Variants in ZFYVE19 observed in about 807,000 individuals in gnomAD.
The protein encoded by ZFYVE19 is abscission/NoCut checkpoint regulator.
A neutral mutation model predicts 62.8 loss-of-function variants in ZFYVE19; 49 were observed. That is an observed-to-expected ratio of 0.78 (90% CI 0.62 to 0.99). ZFYVE19 has a LOEUF of 0.99. Ranked by LOEUF, ZFYVE19 falls within the 50% of genes least tolerant of loss-of-function variation. The pLI, the probability that ZFYVE19 is intolerant of heterozygous loss-of-function variation, is 0.00. For missense variants in ZFYVE19, 630 were observed against 601.9 expected (o/e 1.05, Z -0.49); for synonymous variants, 242 against 234.3 (o/e 1.03, Z -0.30).
rs1205920742 is a variant in ZFYVE19 at position 40,813,358 on chromosome 15, C to T, written c.1051C>T (p.Leu351Phe). Residue 351 changes from leucine (L) to phenylalanine (F), a missense_variant, in exon 8 of 11, where the codon CTC becomes TTC. By Grantham distance (22) the Leu-to-Phe change is conservative. Coordinates refer to ENST00000355341, the MANE Select transcript of ZFYVE19 (RefSeq NM_001077268.2). The stretch of plus-strand genomic sequence containing the variant: ...TCAAGTGACCCTCCAGGACTATCGC[C>T]TCCCAGACAGTGATGACGACGAGGA... ...PERVTLQDYR[L>F]PDSDDDEDEE... 1.2e-6 allele frequency: 2 copies of T among 1,613,340 alleles called. No homozygotes were observed. Among genetic ancestry groups the T allele is most frequent in the Non-Finnish European group, 1.7e-6 (2 of 1,179,690 alleles).
At chr15:40,808,794 C>G (rs909824057) in intron 1 of ZFYVE19, 11 of 335,514 alleles carry the variant, frequency 3.3e-5, no homozygotes, top group African/African-American at 2.1e-4. Flanking sequence ...TGCCCTGTCT[C>G]TCTGATTCTC....
In ZFYVE19 at chr15:40,809,853, C is replaced by T. The variant is rs369924630; in HGVS notation, c.454C>T (p.Arg152Cys). 2.0e-5 allele frequency: 32 copies of T among 1,613,982 alleles called. No individual in the cohort carries two copies. Among genetic ancestry groups the T allele is most frequent in the Non-Finnish European group, 2.7e-5 (32 of 1,179,964 alleles). The stretch of plus-strand genomic sequence containing the variant: ...AGCCTCTATCTCATATCCTGCCAGG[C>T]GTGTGGCAGCCTTGGAAGCCAAGCA... ...KWSPPQNYKKRVAALEAKQKP... is the reference protein window; with the variant it reads ...KWSPPQNYKKCVAALEAKQKP... The change falls in exon 4 of 11, where the codon CGT becomes TGT. Residue 152 changes from arginine (R) to cysteine (C), a missense_variant and splice_region_variant. Transcript: ENST00000355341.
chr15:40,809,777 A>T, intron 3 of ZFYVE19, 75 bp from the exon 4 acceptor site: 1 of 1,476,748 alleles, frequency 6.8e-7, no homozygotes, highest in Non-Finnish European at 9.4e-7. Context: ...TTTGATTTGA[A>T]TGGGAAACAG....
Position 40,814,234 on chromosome 15 carries a change from C to G in ZFYVE19, c.*8C>G. 2 of 1,614,060 alleles carry G rather than the reference C, an allele frequency of 1.2e-6. No homozygotes were observed. The highest frequency in any genetic ancestry group is 1.7e-6 in the Non-Finnish European group (2 of 1,180,020). On this transcript the variant is annotated 3_prime_UTR_variant, in exon 11 of 11. Transcript: ENST00000355341. Reference sequence around the variant, plus strand: ...GCAGGCCAAGAGCACTGAAGACACCCTGGTCCTCCCGGAAGGGCAGTCCCA... The same window carrying G: ...GCAGGCCAAGAGCACTGAAGACACCGTGGTCCTCCCGGAAGGGCAGTCCCA...
Position 40,809,989 on chromosome 15 carries a change from G to A in ZFYVE19, c.571+19G>A. The A allele has an allele frequency of 1.9e-6, 3 of 1,614,192 alleles. No individual in the cohort carries two copies. The highest frequency in any genetic ancestry group is 2.5e-6 in the Non-Finnish European group (3 of 1,180,020). On this transcript the variant is annotated intron_variant, in intron 4 of 10. Coordinates refer to ENST00000355341, the MANE Select transcript of ZFYVE19 (RefSeq NM_001077268.2). Reference sequence around the variant, plus strand: ...AAGCCCAGTGAGCAGGGGCAGATGGGGTTGCCTAGAGGACACAGTCCAGGG... The same window carrying A: ...AAGCCCAGTGAGCAGGGGCAGATGGAGTTGCCTAGAGGACACAGTCCAGGG...
intron 6 of ZFYVE19, among the ~76,000 whole-genome samples, chr15:40,812,238 TG>T (rs374440394): frequency 6.1e-4 from 93 of 152,292 alleles, no homozygotes; most frequent in African/African-American, 2.2e-3. Flanking sequence ...AAAAAGCTGA[TG>T]ATCTGTGATT....
Position 40,809,913 on chromosome 15 carries a change from C to G in ZFYVE19, c.514C>G (p.Arg172Gly). 1 of 1,614,204 alleles carries G rather than the reference C, an allele frequency of 6.2e-7. No individual in the cohort carries two copies. Among genetic ancestry groups the G allele is most frequent in the Non-Finnish European group, 8.5e-7 (1 of 1,180,034 alleles). Reference protein sequence around the residue: ...PSTSQSQGLTRQDQMIAERLA... With the variant: ...PSTSQSQGLTGQDQMIAERLA... ...CACTTCCCAGAGCCAGGGACTGACA[C>G]GACAAGACCAGATGATTGCTGAGCG... The change falls in exon 4 of 11, where the codon CGA (arginine) becomes GGA (glycine). Residue 172 changes from arginine (R) to glycine (G), a missense_variant. Arg to Gly is a moderately radical substitution (Grantham distance 125). Coordinates refer to ENST00000355341, the MANE Select transcript of ZFYVE19 (RefSeq NM_001077268.2).
rs201817180 is a variant in ZFYVE19 at position 40,809,270 on chromosome 15, C to A, written c.401+30C>A. ...GAGGCAGGCATGGGTGAAAGTTCAGCCAAGTATGGCAGTGGGCATCTGGCC... is the reference window on the plus strand; with the variant it reads ...GAGGCAGGCATGGGTGAAAGTTCAGACAAGTATGGCAGTGGGCATCTGGCC... On this transcript the variant is annotated intron_variant, in intron 2 of 10. Transcript: ENST00000355341. 3.2e-5 allele frequency: 52 copies of A among 1,613,034 alleles called. No homozygotes were observed. The African/African-American group carries it at 6.4e-4, about 20-fold the overall frequency.
intron 1 of ZFYVE19, chr15:40,808,711 A>G (rs1330125249): frequency 3.3e-6 from 1 of 306,032 alleles, no homozygotes; most frequent in African/African-American, 2.1e-5. Context: ...TGCTTAATAA[A>G]TGGAGGCTAT....
In ZFYVE19 at chr15:40,807,615, C is replaced by T. The variant is rs534190263; in HGVS notation, c.26C>T (p.Pro9Leu). MNYDSQQP[P>L]LPPLPYAGCR... ...ATGAACTACGACTCCCAGCAGCCCCCGTTGCCGCCGCTGCCGTACGCTGGC... is the reference window on the plus strand; with the variant it reads ...ATGAACTACGACTCCCAGCAGCCCCTGTTGCCGCCGCTGCCGTACGCTGGC... The change falls in exon 1 of 11, where the codon CCG becomes CTG. Residue 9 changes from proline (P) to leucine (L), a missense_variant. Physicochemically the swap from Pro to Leu is moderately conservative, Grantham distance 98 (BLOSUM62 -3). Transcript: ENST00000355341. 4 of 1,612,740 alleles carry T rather than the reference C, an allele frequency of 2.5e-6. No homozygotes were observed. Among genetic ancestry groups the T allele is most frequent in the Non-Finnish European group, 2.5e-6 (3 of 1,179,616 alleles).
At chr15:40,809,377 G>C in intron 2 of ZFYVE19, 31 bp from the exon 3 acceptor site, 1 of 1,614,064 alleles carries the variant, frequency 6.2e-7, no homozygotes, top group Non-Finnish European at 8.5e-7. Flanking sequence ...TGGGATGGCA[G>C]GATTTATAAC....
chr15:40,808,923 T>G, intron 1 of ZFYVE19, 196 bp from the exon 2 acceptor site: 2 of 624,004 alleles, frequency 3.2e-6, no homozygotes, highest in Non-Finnish European at 2.8e-6. Context: ...AACCTTCATT[T>G]GGCTTGAATA....
At chr15:40,811,330 C>T (rs1890481388) in intron 6 of ZFYVE19, among the ~76,000 whole-genome samples, 1 of 152,234 alleles carries the variant, frequency 6.6e-6, no homozygotes, top group Non-Finnish European at 1.5e-5. Context: ...TGTTTGAAGG[C>T]TTCAGAGCAG....
At chr15:40,812,470 C>T (rs1366628963) in intron 6 of ZFYVE19, among the ~76,000 whole-genome samples, 1 of 149,716 alleles carries the variant, frequency 6.7e-6, no homozygotes, top group East Asian at 2.0e-4. Context: ...CGCTTGAATC[C>T]AGGAGGCAGA....
chr15:40,809,327 G>A, intron 2 of ZFYVE19, 81 bp from the exon 3 acceptor site: 1 of 1,613,668 alleles, frequency 6.2e-7, no homozygotes, highest in Non-Finnish European at 8.5e-7. Context: ...TGTCGCGAGA[G>A]TCAGCCGAGG....
chr15:40,811,608 C>T (rs1247390362), intron 6 of ZFYVE19, among the ~76,000 whole-genome samples: 2 of 149,798 alleles, frequency 1.3e-5, no homozygotes, highest in African/African-American at 2.5e-5. Flanking sequence ...GTGTGGCTCA[C>T]GCCTGTAATC....
intron 3 of ZFYVE19, 28 bp downstream of exon 3, chr15:40,809,486 A>G: frequency 6.2e-7 from 1 of 1,613,032 alleles, no homozygotes; most frequent in Non-Finnish European, 8.5e-7. Context: ...AAAGACAAAG[A>G]GCATTGGGGA....
chr15:40,809,939 C>T lies in ZFYVE19; in HGVS notation c.540C>T (p.Arg180=), dbSNP rs773662340. Residue 180 remains arginine, a synonymous_variant, in exon 4 of 11, where the codon CGC becomes CGT. Transcript: ENST00000355341. ...LTRQDQMIAE[R]LARLRQENKP... Reference sequence around the variant, plus strand: ...GACAAGACCAGATGATTGCTGAGCGCCTAGCACGACTCCGCCAGGAGAACA... The same window carrying T: ...GACAAGACCAGATGATTGCTGAGCGTCTAGCACGACTCCGCCAGGAGAACA... 11 of 1,614,092 alleles carry T rather than the reference C, an allele frequency of 6.8e-6. No homozygotes were observed. The Admixed American group carries it at 1.7e-4, about 24-fold the overall frequency.
At position 40,807,886 on chromosome 15, in the gene ZFYVE19, G is replaced by A. The variant is rs1467461690; in HGVS notation, c.279+18G>A. 9 of 1,539,826 alleles carry A rather than the reference G, an allele frequency of 5.8e-6. No homozygotes were observed. Among genetic ancestry groups the A allele is most frequent in the Non-Finnish European group, 7.8e-6 (9 of 1,151,190 alleles). The stretch of plus-strand genomic sequence containing the variant: ...AGAAGGAGGCGAGTCTTCCCTCCCC[G>A]AGGGCTGCAGGGCCAGGGAGGAGAG... On this transcript the variant is annotated intron_variant, in intron 1 of 10. Transcript: ENST00000355341.
Sources: gnomAD v4.1 joint callset for allele counts (sites outside exome capture counted in the v4.1 genomes callset) on GRCh38, gnomAD v4.1.1 for gene constraint, MANE v1.5 for transcripts, NCBI Gene and HGNC (gene_info 2026-07-23, HGNC 2026-07-21) for gene names.